EXT1: variants seen among roughly 807,000 people sequenced by gnomAD.
The protein encoded by EXT1 is exostosin glycosyltransferase 1.
A neutral mutation model predicts 82.5 loss-of-function variants in EXT1; 20 were observed. The observed-to-expected ratio is 0.24, with a 90% confidence interval of 0.17 to 0.35. The LOEUF is 0.35. EXT1 is among the 10% of genes least tolerant of loss of function. The probability of loss-of-function intolerance (pLI) is 1.00; values close to 1 mark genes in which losing one functional copy is unlikely to be tolerated. For synonymous variants in EXT1, 348 were observed against 350.8 expected (o/e 0.99, Z 0.09); for missense variants, 757 against 936.5 (o/e 0.81, Z 2.50).
rs1209670482 is a variant in EXT1 at position 117,882,976 on chromosome 8, C to T, written c.963-45775G>A. Reference sequence around the variant, plus strand: ...TGGGCGACAAAATGAGACTCTGTCTCAAAGAAAAAAAAAAAAAAAAGAAAG... The same window carrying T: ...TGGGCGACAAAATGAGACTCTGTCTTAAAGAAAAAAAAAAAAAAAAGAAAG... On this transcript the variant is annotated intron_variant, in intron 1 of 10. Transcript: ENST00000378204. Among the ~76,000 whole-genome samples the T allele has an allele frequency of 3.9e-5, 3 of 77,266 alleles. No homozygotes were observed. The South Asian group carries it at 1.3e-3, about 33-fold the overall frequency. 50.7% of individuals were successfully genotyped at this position (77,266 alleles called of 152,430 possible). A position where few individuals can be genotyped will look rare whatever the true frequency, so the allele number is the denominator to read the frequency against.
At chr8:117,985,446 T>C (rs1043546369) in intron 1 of EXT1, among the ~76,000 whole-genome samples, 1 of 152,186 alleles carries the variant, frequency 6.6e-6, no homozygotes, top group Non-Finnish European at 1.5e-5. Context: ...GTAGAATATC[T>C]GCATATTGGG....
chr8:117,815,689 T>C (rs765213094), intron 7 of EXT1, among the ~76,000 whole-genome samples: 2 of 152,110 alleles, frequency 1.3e-5, no homozygotes, highest in Non-Finnish European at 2.9e-5. Flanking sequence ...CCCAGCACTT[T>C]GGGAGGCCTA....
intron 4 of EXT1, among the ~76,000 whole-genome samples, chr8:117,829,106 T>C (rs1179696673): frequency 1.3e-5 from 2 of 152,118 alleles, no homozygotes; most frequent in East Asian, 3.9e-4. Context: ...CCCACCTCAT[T>C]TTGGGACACC....
At chr8:117,800,683 CT>C (rs1823153361) in intron 10 of EXT1, among the ~76,000 whole-genome samples, 1 of 152,154 alleles carries the variant, frequency 6.6e-6, no homozygotes, top group South Asian at 2.1e-4. Context: ...CCAAAGGTTA[CT>C]TTTTAAAGGG....
chr8:117,915,855 C>CA (rs71569751), intron 1 of EXT1, among the ~76,000 whole-genome samples: 3 of 148,722 alleles, frequency 2.0e-5, no homozygotes. Flanking sequence ...GACTCTGTCT[C>CA]AAACAAAACA....
Position 118,091,752 on chromosome 8 carries a change from T to A in EXT1, c.962+18333A>T, listed in dbSNP as rs868227787. On this transcript the variant is annotated intron_variant, in intron 1 of 10. Coordinates refer to ENST00000378204, the MANE Select transcript of EXT1 (RefSeq NM_000127.3). The stretch of plus-strand genomic sequence containing the variant: ...AGAGCGAGACTCCATCTCACAAAAA[T>A]AAATAAATAAATAAATCTAACTCTC... 2.2e-3 allele frequency among the ~76,000 whole-genome samples: 332 copies of A among 151,542 alleles called. 1 individual carries two copies. Among genetic ancestry groups the A allele is most frequent in the African/African-American group, 7.2e-3 (298 of 41,268 alleles).
chr8:117,910,464 G>C (rs2129988611), intron 1 of EXT1, among the ~76,000 whole-genome samples: 1 of 152,304 alleles, frequency 6.6e-6, no homozygotes, highest in African/African-American at 2.4e-5. Context: ...CTTCCTGTGA[G>C]AGCTTGAGAC....
intron 1 of EXT1, among the ~76,000 whole-genome samples, chr8:118,099,881 GCTTCAACA>G (rs1379418469): frequency 3.9e-5 from 6 of 152,170 alleles, no homozygotes. Flanking sequence ...ACAGGATATG[GCTTCAACA>G]GCGCCTGCCA....
At chr8:117,929,140 T>C (rs1814003664) in intron 1 of EXT1, among the ~76,000 whole-genome samples, 1 of 152,222 alleles carries the variant, frequency 6.6e-6, no homozygotes, top group South Asian at 2.1e-4. Flanking sequence ...AAGAGTGCTA[T>C]ATATACAGTA....
intron 1 of EXT1, among the ~76,000 whole-genome samples, chr8:118,011,081 G>T (rs1385186822): frequency 6.6e-6 from 1 of 151,938 alleles, no homozygotes; most frequent in East Asian, 1.9e-4. Flanking sequence ...GTCAGCTATG[G>T]CTATTTGTCA....
chr8:117,882,836 G>T (rs960206530), intron 1 of EXT1, among the ~76,000 whole-genome samples: 3 of 151,968 alleles, frequency 2.0e-5, no homozygotes, highest in African/African-American at 4.8e-5. Flanking sequence ...AATTAGCCAG[G>T]CATGATGGTG....
intron 1 of EXT1, among the ~76,000 whole-genome samples, chr8:117,938,821 T>C (rs983884332): frequency 6.6e-6 from 1 of 152,224 alleles, no homozygotes; most frequent in African/African-American, 2.4e-5. Flanking sequence ...ATTTTTATCA[T>C]AAATAAGTGT....
intron 1 of EXT1, among the ~76,000 whole-genome samples, chr8:117,997,467 G>A (rs1272401489): frequency 6.6e-6 from 1 of 151,716 alleles, no homozygotes; most frequent in Non-Finnish European, 1.5e-5. Flanking sequence ...AGTACATAAG[G>A]TACAATAAAC....
intron 1 of EXT1, among the ~76,000 whole-genome samples, chr8:117,865,102 T>C (rs1028794598): frequency 3.9e-5 from 6 of 152,226 alleles, no homozygotes; most frequent in Non-Finnish European, 8.8e-5. Flanking sequence ...TTGATTTTGC[T>C]TGAATCCTCT....
intron 1 of EXT1, among the ~76,000 whole-genome samples, chr8:117,985,130 C>A (rs1056334240): frequency 6.6e-6 from 1 of 152,170 alleles, no homozygotes; most frequent in African/African-American, 2.4e-5. Context: ...CTTTTGAACA[C>A]CGAACCGCTA....
Position 117,799,800 on chromosome 8 carries a change from A to T in EXT1, c.2153T>A (p.Ile718Asn). ...FASWFGYMPLIHSQMRLDPVL... is the reference protein window; with the variant it reads ...FASWFGYMPLNHSQMRLDPVL... ...GGGGTCGAGCCTCATCTGAGAGTGG[A>T]TCAGCGGCATGTAGCCAAACCAGCT... The change falls in exon 11 of 11, where the codon ATC becomes AAC. Residue 718 changes from isoleucine (I) to asparagine (N), a missense_variant. Physicochemically the swap from Ile to Asn is moderately radical, Grantham distance 149 (BLOSUM62 -3). Coordinates refer to ENST00000378204, the MANE Select transcript of EXT1 (RefSeq NM_000127.3). 6.2e-7 allele frequency: 1 copy of T among 1,614,182 alleles called. No individual in the cohort carries two copies. The highest frequency in any genetic ancestry group is 8.5e-7 in the Non-Finnish European group (1 of 1,180,036).
At chr8:117,980,725 T>C (rs994093011) in intron 1 of EXT1, among the ~76,000 whole-genome samples, 1 of 147,274 alleles carries the variant, frequency 6.8e-6, no homozygotes, top group East Asian at 2.0e-4. Context: ...TTTTTTTTTT[T>C]TTTTTTCCAG....
intron 1 of EXT1, among the ~76,000 whole-genome samples, chr8:117,860,146 C>CAAAAAAAAAAAAAA (rs34399339): frequency 2.6e-5 from 2 of 76,900 alleles, no homozygotes; most frequent in South Asian, 5.5e-4. Context: ...GATTCTATCT[C>CAAAAAAAAAAAAAA]AAAAAAAAAA....
intron 1 of EXT1, among the ~76,000 whole-genome samples, chr8:117,944,102 G>A (rs879744482): frequency 2.6e-5 from 4 of 152,142 alleles, no homozygotes; most frequent in South Asian, 4.1e-4. Flanking sequence ...TTTAACTACT[G>A]TAAAAGAAGT....
Sources: gnomAD v4.1 joint callset for allele counts (sites outside exome capture counted in the v4.1 genomes callset) on GRCh38, gnomAD v4.1.1 for gene constraint, MANE v1.5 for transcripts, NCBI Gene and HGNC (gene_info 2026-07-23, HGNC 2026-07-21) for gene names.